The following GRK3 variants were observed in gnomAD, a reference collection of about 807,000 sequenced individuals.
GRK3 encodes adrenergic, beta, receptor kinase 2.
In GRK3, 54 loss-of-function variants were observed where a neutral mutation model predicts 95.7. That is an observed-to-expected ratio of 0.56 (90% confidence interval 0.45 to 0.71). The LOEUF (loss-of-function observed/expected upper bound fraction) is 0.71. GRK3 is among the 30% of genes least tolerant of loss of function. GRK3 has a pLI of 0.00. For synonymous variants in GRK3, 281 were observed against 290.8 expected, an observed-to-expected ratio of 0.97 and a Z score of 0.34; for missense variants, 649 against 851.2, an observed-to-expected ratio of 0.76 and a Z score of 2.96.
chr22:25,601,892 A>G (rs1039783573), intron 1 of GRK3, among the ~76,000 whole-genome samples: 1 of 152,236 alleles, frequency 6.6e-6, no homozygotes, highest in Non-Finnish European at 1.5e-5. Context: ...AACTTGTGAA[A>G]GAAAATATAG....
intron 1 of GRK3, among the ~76,000 whole-genome samples, chr22:25,598,121 G>T (rs1335734099): frequency 1.3e-5 from 2 of 152,156 alleles, no homozygotes; most frequent in Admixed American, 1.3e-4. Context: ...ATGAGATTTA[G>T]AACATGTAGG....
intron 8 of GRK3, among the ~76,000 whole-genome samples, chr22:25,677,840 G>C (rs1030675876): frequency 1.3e-5 from 2 of 152,134 alleles, no homozygotes. Flanking sequence ...TTAGCCTTCT[G>C]TTGTCCTACC....
At chr22:25,615,127 C>T (rs1490878386) in intron 2 of GRK3, among the ~76,000 whole-genome samples, 6 of 152,302 alleles carry the variant, frequency 3.9e-5, no homozygotes, top group East Asian at 1.9e-4. Context: ...ATTCTCTTAG[C>T]CAAGAGGTAA....
intron 2 of GRK3, 68 bp from the exon 3 acceptor site, chr22:25,644,524 A>G (rs2084767046): frequency 1.3e-6 from 1 of 754,500 alleles, no homozygotes; most frequent in African/African-American, 1.8e-5. Context: ...CATTGCTTTG[A>G]AAACACCCTT....
chr22:25,710,009 C>T (rs775648657), intron 16 of GRK3, 45 bp downstream of exon 16: 2 of 1,366,568 alleles, frequency 1.5e-6, no homozygotes, highest in Admixed American at 1.7e-5. Flanking sequence ...GCCGCCCCGC[C>T]CTTACCCGCT....
At chr22:25,599,388 C>T (rs1431112848) in intron 1 of GRK3, among the ~76,000 whole-genome samples, 2 of 151,876 alleles carry the variant, frequency 1.3e-5, no homozygotes, top group African/African-American at 4.8e-5. Flanking sequence ...GTCAGGAGAT[C>T]AAGACCATCT....
chr22:25,637,488 C>T (rs998238840), intron 2 of GRK3, among the ~76,000 whole-genome samples: 3 of 152,192 alleles, frequency 2.0e-5, no homozygotes, highest in African/African-American at 7.2e-5. Flanking sequence ...ATCTACTTAT[C>T]TTCCTGTTGA....
chr22:25,667,778 A>G lies in GRK3; in HGVS notation c.481A>G (p.Ile161Val), dbSNP rs1406660843. Residue 161 changes from isoleucine to valine, a missense_variant, in exon 6 of 21, where the codon ATT becomes GTT. By Grantham distance (29) the Ile-to-Val change is conservative. Around this residue, in one of 3 missense-constraint regions of GRK3, gnomAD observed 206 missense variants for 231.4 expected, o/e 0.89. Transcript: ENST00000324198. The part of the protein sequence containing the change: ...EEICESLRGD[I>V]FQKFMESDKF... ...AATTTGTGAAAGCCTTCGAGGTGAC[A>G]TTTTTCAAAAATTTATGGAAAGGTA... 3 of 1,611,510 alleles carry G rather than the reference A, an allele frequency of 1.9e-6. No homozygotes were observed. Among genetic ancestry groups the G allele is most frequent in the Non-Finnish European group, 2.5e-6 (3 of 1,177,832 alleles).
chr22:25,586,749 T>A (rs1315475943), intron 1 of GRK3, among the ~76,000 whole-genome samples: 1 of 152,122 alleles, frequency 6.6e-6, no homozygotes, highest in Non-Finnish European at 1.5e-5. Flanking sequence ...TGGAAGAGCC[T>A]GTGTCTTTCA....
rs111534329 is a variant in GRK3, at chr22:25,695,696, T to C, written c.1160+482T>C. ...TTAGACAAGTTCTCTCTCTGTTGCC[T>C]GGCTGCAGTGTAGTCACACAGACAT... is the stretch of plus-strand genomic sequence containing the variant. On this transcript the variant is annotated intron_variant, in intron 13 of 20. Transcript: ENST00000324198. Among the ~76,000 whole-genome samples the C allele has an allele frequency of 4.9e-3, 740 of 152,292 alleles. 7 individuals carry two copies. Among genetic ancestry groups the C allele is most frequent in the African/African-American group, 0.017 (716 of 41,548 alleles).
intron 1 of GRK3, among the ~76,000 whole-genome samples, chr22:25,587,362 G>A (rs113444118): frequency 6.6e-6 from 1 of 152,112 alleles, no homozygotes; most frequent in Non-Finnish European, 1.5e-5. Context: ...TATTATTCCT[G>A]ATTTAAAGGA....
At chr22:25,639,589 T>C (rs983770288) in intron 2 of GRK3, among the ~76,000 whole-genome samples, 2 of 152,198 alleles carry the variant, frequency 1.3e-5, no homozygotes, top group Non-Finnish European at 2.9e-5. Context: ...GTCTTGAAAT[T>C]GGATAGCGTT....
At chr22:25,674,821 C>A (rs1373725683) in intron 8 of GRK3, among the ~76,000 whole-genome samples, 1 of 151,902 alleles carries the variant, frequency 6.6e-6, no homozygotes, top group Non-Finnish European at 1.5e-5. Flanking sequence ...CAGTGGCGGG[C>A]GCCTATAGTC....
At chr22:25,618,335 G>T (rs2084555490) in intron 2 of GRK3, among the ~76,000 whole-genome samples, 1 of 152,222 alleles carries the variant, frequency 6.6e-6, no homozygotes, top group Admixed American at 6.5e-5. Flanking sequence ...TTATATCACA[G>T]TGAAATGTCT....
chr22:25,607,876 C>A (rs1442089333), intron 2 of GRK3, among the ~76,000 whole-genome samples: 1 of 152,098 alleles, frequency 6.6e-6, no homozygotes, highest in South Asian at 2.1e-4. Flanking sequence ...CCACCATGCC[C>A]GGCCTTTAAT....
chr22:25,686,391 A>G (rs530059001), intron 10 of GRK3, among the ~76,000 whole-genome samples: 1 of 152,260 alleles, frequency 6.6e-6, no homozygotes, highest in Admixed American at 6.5e-5. Flanking sequence ...AGGCCTTAAA[A>G]GTGGCCTTTG....
intron 1 of GRK3, among the ~76,000 whole-genome samples, chr22:25,568,572 C>A (rs747922512): frequency 2.6e-5 from 4 of 151,998 alleles, no homozygotes; most frequent in Admixed American, 6.6e-5. Context: ...TTTATGATAC[C>A]GTTTATGACA....
At position 25,598,550 on chromosome 22, in the gene GRK3, C is replaced by T. The variant is rs147407200; in HGVS notation, c.114-5827C>T. ...ATTAGCTGGGCACAGTGGCATGCAC[C>T]TCTCTTCCCAGCTACTTGAGAGTCT... On this transcript the variant is annotated intron_variant, in intron 1 of 20. Transcript: ENST00000324198. Among the ~76,000 whole-genome samples the T allele has an allele frequency of 4.0e-3, 605 of 151,866 alleles. 6 individuals are homozygous for T. Among genetic ancestry groups the T allele is most frequent in the African/African-American group, 0.013 (553 of 41,418 alleles).
chr22:25,670,922 C>T (rs1478294318), intron 6 of GRK3, among the ~76,000 whole-genome samples: 1 of 145,924 alleles, frequency 6.9e-6, no homozygotes, highest in East Asian at 2.0e-4. Context: ...GGCGTGGTGG[C>T]GGGCCCCTGT....
Sources: allele counts gnomAD v4.1 joint callset (sites outside exome capture counted in the v4.1 genomes callset), GRCh38; gene constraint gnomAD v4.1.1; regional missense constraint gnomAD v4.1.1; transcripts MANE v1.5; gene names NCBI Gene and HGNC (gene_info 2026-07-23, HGNC 2026-07-21).